Variants in HEPACAM2 observed in about 807,000 individuals in gnomAD.
HEPACAM2 encodes the protein HEPACAM family member 2.
HEPACAM2 carries 49 observed loss-of-function variants against 49.6 expected under a neutral mutation model. The observed-to-expected ratio is 0.99, with a 90% CI of 0.78 to 1.25. HEPACAM2 has a LOEUF of 1.25. Ranked by LOEUF, HEPACAM2 falls within the 50% of genes most tolerant of loss-of-function variation. HEPACAM2 has a pLI of 0.00. For synonymous variants in HEPACAM2, 197 were observed against 202.9 expected, an observed-to-expected ratio of 0.97 and a Z score of 0.25; for missense variants, 525 against 557.2, an observed-to-expected ratio of 0.94 and a Z score of 0.58.
At chr7:93,209,462 G>A (rs1794121354) in intron 3 of HEPACAM2, among the ~76,000 whole-genome samples, 1 of 151,716 alleles carries the variant, frequency 6.6e-6, no homozygotes, top group African/African-American at 2.4e-5. Flanking sequence ...TACCATTGTT[G>A]CTGTTTGAAA....
At chr7:93,208,172 G>C (rs951836065) in intron 4 of HEPACAM2, among the ~76,000 whole-genome samples, 12 of 151,974 alleles carry the variant, frequency 7.9e-5, no homozygotes, top group African/African-American at 2.9e-4. Context: ...CAGTGAGAAG[G>C]GGAATCAAAT....
chr7:93,215,614 G>C lies in HEPACAM2; in HGVS notation c.502C>G (p.Leu168Val). The change falls in exon 3 of 10, where the codon CTG (leucine) becomes GTG (valine). Residue 168 changes from leucine to valine, a missense_variant. Leu to Val is a conservative substitution (Grantham distance 32). Coordinates refer to ENST00000394468, the MANE Select transcript of HEPACAM2 (RefSeq NM_001039372.4). ...GTGCCCCCTTCCACATGGCATGTCAGGGTCATGTTCCCCACATACTCCACA... is the reference window on the plus strand; with the variant it reads ...GTGCCCCCTTCCACATGGCATGTCACGGTCATGTTCCCCACATACTCCACA... Reference protein sequence around the residue: ...GAVEYVGNMTLTCHVEGGTRL... With the variant: ...GAVEYVGNMTVTCHVEGGTRL... The C allele has an allele frequency of 1.2e-6, 2 of 1,613,716 alleles. No individual in the cohort carries two copies. Among genetic ancestry groups the C allele is most frequent in the Non-Finnish European group, 1.7e-6 (2 of 1,179,812 alleles).
rs759075229 is a variant in HEPACAM2 at position 93,189,272 on chromosome 7, T to G, written c.1386-2A>C. 7 of 1,593,718 alleles carry G rather than the reference T, an allele frequency of 4.4e-6. No individual in the cohort carries two copies. The highest frequency in any genetic ancestry group is 4.3e-6 in the Non-Finnish European group (5 of 1,168,332). ...ACTGTTTAGCCCATGAAAGTTCACC[T>G]AGTGAAGAGATATACAAAATATGTA... On this transcript the variant is annotated splice_acceptor_variant, in intron 9 of 9. Transcript: ENST00000394468. LOFTEE classifies it high-confidence loss of function.
intron 1 of HEPACAM2, chr7:93,226,016 T>A (rs1439780671): frequency 5.8e-6 from 4 of 691,512 alleles, no homozygotes; most frequent in Admixed American, 3.0e-5. Context: ...GGTCACAATT[T>A]CATGGCCTAT....
At position 93,215,655 on chromosome 7, in the gene HEPACAM2, T is replaced by C. The variant is rs1219106440; in HGVS notation, c.461A>G (p.His154Arg). ...DPVTKPVVQI[H>R]PPSGAVEYVG... ...ATACTCCACAGCCCCAGAGGGAGGA[T>C]GAATCTGCACCACTGGCTTTGTGAC... is the stretch of plus-strand genomic sequence containing the variant. Residue 154 changes from histidine (H) to arginine (R), a missense_variant, in exon 3 of 10, where the codon CAT (histidine) becomes CGT (arginine). His to Arg is a conservative substitution (Grantham distance 29). Transcript: ENST00000394468. 7.4e-6 allele frequency: 12 copies of C among 1,613,472 alleles called. No homozygotes were observed. Among genetic ancestry groups the C allele is most frequent in the Non-Finnish European group, 1.0e-5 (12 of 1,179,736 alleles).
chr7:93,198,298 G>T (rs977160993), intron 4 of HEPACAM2, among the ~76,000 whole-genome samples: 3 of 151,914 alleles, frequency 2.0e-5, no homozygotes, highest in Admixed American at 6.6e-5. Context: ...TGTTCTAAGG[G>T]TGCATGATAC....
At chr7:93,197,715 A>G in intron 4 of HEPACAM2, 105 bp from the exon 5 acceptor site, 1 of 756,928 alleles carries the variant, frequency 1.3e-6, no homozygotes, top group Non-Finnish European at 2.1e-6. Flanking sequence ...AAAAATATAT[A>G]AACACGTATA....
At chr7:93,193,650 G>A (rs1793612310) in intron 8 of HEPACAM2, among the ~76,000 whole-genome samples, 1 of 152,078 alleles carries the variant, frequency 6.6e-6, no homozygotes, top group Non-Finnish European at 1.5e-5. Flanking sequence ...TGTTACTCAG[G>A]TTGGTCTTGA....
At chr7:93,225,399 A>G (rs1460965776) in intron 1 of HEPACAM2, among the ~76,000 whole-genome samples, 1 of 152,156 alleles carries the variant, frequency 6.6e-6, no homozygotes, top group African/African-American at 2.4e-5. Context: ...TACATTTCAA[A>G]TGTGTGAGAT....
chr7:93,208,432 C>G (rs1037289950), intron 4 of HEPACAM2, 148 bp downstream of exon 4: 10 of 660,160 alleles, frequency 1.5e-5, no homozygotes, highest in Non-Finnish European at 2.1e-5. Context: ...GAAACCATGG[C>G]TTAGTTAACT....
intron 3 of HEPACAM2, among the ~76,000 whole-genome samples, chr7:93,212,231 T>A (rs10274355): frequency 6.6e-6 from 1 of 152,168 alleles, no homozygotes; most frequent in East Asian, 1.9e-4. Flanking sequence ...AAGAAAGTAA[T>A]CTGATTATCT....
At chr7:93,226,799 AAAAAC>A (rs1204515954), upstream of HEPACAM2, among the ~76,000 whole-genome samples, 3 of 152,186 alleles carry the variant, frequency 2.0e-5, no homozygotes, top group African/African-American at 7.2e-5. Flanking sequence ...AGATTTCCTT[AAAAAC>A]AAAAGCTGGT....
At position 93,189,123 on chromosome 7, in the gene HEPACAM2, C is replaced by G. The variant is rs1584321419; in HGVS notation, c.*144G>C. ...TGCAGTTCAATTTGCATAAATGCCT[C>G]TATTCTGCATGTAAAGGAATAATGA... On this transcript the variant is annotated 3_prime_UTR_variant, in exon 10 of 10. Transcript: ENST00000394468. 2 of 641,472 alleles carry G rather than the reference C, an allele frequency of 3.1e-6. No homozygotes were observed. The highest frequency in any genetic ancestry group is 5.4e-6 in the Non-Finnish European group (2 of 371,784). The allele number at this position is 641,472 out of a possible 1,614,324, so 39.7% of individuals were successfully genotyped here.
chr7:93,197,122 A>G, intron 7 of HEPACAM2, 119 bp downstream of exon 7: 1 of 639,910 alleles, frequency 1.6e-6, no homozygotes, highest in Non-Finnish European at 2.2e-6. Flanking sequence ...AAGGTAAGAG[A>G]CTGTTATATT....
chr7:93,216,510 T>G (rs1474969318), intron 2 of HEPACAM2, among the ~76,000 whole-genome samples: 2 of 152,218 alleles, frequency 1.3e-5, no homozygotes, highest in African/African-American at 4.8e-5. Context: ...GAGTAAATAT[T>G]TGCTCTCTGA....
At position 93,189,140 on chromosome 7, in the gene HEPACAM2, G is replaced by A; in HGVS notation, c.*127C>T. Reference sequence around the variant, plus strand: ...AAATGCCTCTATTCTGCATGTAAAGGAATAATGAGTAAGAGGTGTTGGTCT... The same window carrying A: ...AAATGCCTCTATTCTGCATGTAAAGAAATAATGAGTAAGAGGTGTTGGTCT... On this transcript the variant is annotated 3_prime_UTR_variant, in exon 10 of 10. Transcript: ENST00000394468. 1.3e-6 allele frequency: 1 copy of A among 757,170 alleles called. No individual in the cohort carries two copies. The highest frequency in any genetic ancestry group is 1.7e-5 in the South Asian group (1 of 57,752). 46.9% of individuals were successfully genotyped at this position (757,170 alleles called of 1,614,324 possible).
At chr7:93,210,537 T>C (rs1316241675) in intron 3 of HEPACAM2, among the ~76,000 whole-genome samples, 3 of 152,042 alleles carry the variant, frequency 2.0e-5, no homozygotes, top group South Asian at 2.1e-4. Flanking sequence ...ACTAATTATA[T>C]ATTAATATTA....
At chr7:93,207,383 G>A (rs1485574070) in intron 4 of HEPACAM2, among the ~76,000 whole-genome samples, 1 of 152,018 alleles carries the variant, frequency 6.6e-6, no homozygotes, top group Non-Finnish European at 1.5e-5. Flanking sequence ...GTGCAAAGGA[G>A]AGTCTGAGAA....
chr7:93,221,050 T>G (rs1273212946), intron 1 of HEPACAM2, among the ~76,000 whole-genome samples: 4 of 151,954 alleles, frequency 2.6e-5, no homozygotes, highest in Non-Finnish European at 5.9e-5. Context: ...TAGACAACAC[T>G]TTAGGGAAGT....
Sources: allele counts gnomAD v4.1 joint callset (sites outside exome capture counted in the v4.1 genomes callset), GRCh38; gene constraint gnomAD v4.1.1; transcripts MANE v1.5; gene names NCBI Gene and HGNC (gene_info 2026-07-23, HGNC 2026-07-21).